RBM5: variants seen among roughly 807,000 people sequenced by gnomAD.
The protein encoded by RBM5 is RNA binding motif protein 5.
RBM5 carries 15 observed loss-of-function variants against 124.6 expected under a neutral mutation model. The ratio of observed to expected loss-of-function variants is 0.12; its 90% CI spans 0.08 to 0.19. RBM5 has a LOEUF of 0.19. RBM5 is among the 10% of genes least tolerant of loss of function. The pLI, the probability that RBM5 is intolerant of heterozygous loss-of-function variation, is 1.00. For missense variants in RBM5, 580 were observed against 1,026.5 expected, an observed-to-expected ratio of 0.57 and a Z score of 5.94; for synonymous variants, 337 against 361.2, an observed-to-expected ratio of 0.93 and a Z score of 0.76.
At chr3:50,108,451 G>T in intron 14 of RBM5, 147 bp downstream of exon 14, 1 of 783,572 alleles carries the variant, frequency 1.3e-6, no homozygotes, top group African/African-American at 1.7e-5. Flanking sequence ...GCTCACGCCT[G>T]TAATCCCAGC....
intron 4 of RBM5, chr3:50,094,139 A>T: frequency 3.6e-6 from 1 of 274,370 alleles, no homozygotes; most frequent in Non-Finnish European, 6.9e-6. Flanking sequence ...AGGTAATTTT[A>T]TACAACACTT....
rs145486184 is a variant in RBM5 at position 50,093,872 on chromosome 3, C to A, written c.336C>A (p.Ser112Arg). ...GCCTTCCCATCACCATCACAGAGAGCGATGTAAGGGGAAATGACAGTTATA... is the reference window on the plus strand; with the variant it reads ...GCCTTCCCATCACCATCACAGAGAGAGATGTAAGGGGAAATGACAGTTATA... ...LRGLPITITE[S>R]DIREMMESFE... Residue 112 changes from serine (S) to arginine (R), a missense_variant, in exon 4 of 25, where the codon AGC (serine) becomes AGA (arginine). Ser to Arg is a moderately radical substitution (Grantham distance 110). Around this residue, in one of 6 missense-constraint regions of RBM5, gnomAD observed 101 missense variants for 223.2 expected, o/e 0.45. Transcript: ENST00000347869. 6.2e-7 allele frequency: 1 copy of A among 1,607,228 alleles called. No individual in the cohort carries two copies. Among genetic ancestry groups the A allele is most frequent in the Non-Finnish European group, 8.5e-7 (1 of 1,174,616 alleles).
At chr3:50,114,622 G>C (rs2091208926) in intron 20 of RBM5, 1 of 192,708 alleles carries the variant, frequency 5.2e-6, no homozygotes, top group African/African-American at 2.4e-5. Flanking sequence ...TTTTATTTGT[G>C]GTCAGTGGTT....
chr3:50,109,526 A>C, intron 14 of RBM5, 77 bp from the exon 15 acceptor site: 1 of 1,157,856 alleles, frequency 8.6e-7, no homozygotes, highest in Non-Finnish European at 1.3e-6. Context: ...AGAAGGCTAG[A>C]TTGGGCATTA....
At chr3:50,097,583 T>G (rs182594184) in intron 4 of RBM5, among the ~76,000 whole-genome samples, 198 of 152,218 alleles carry the variant, frequency 1.3e-3, no homozygotes, top group Non-Finnish European at 2.2e-3. Flanking sequence ...CACCCTGTTT[T>G]TTTTTTCATG....
At chr3:50,106,330 TG>T (rs1237668500) in intron 10 of RBM5, among the ~76,000 whole-genome samples, 1 of 151,788 alleles carries the variant, frequency 6.6e-6, no homozygotes, top group Non-Finnish European at 1.5e-5. Flanking sequence ...TTAGTAGAGA[TG>T]GGGTTTCACT....
At chr3:50,092,427 G>C (rs988027440) in intron 3 of RBM5, among the ~76,000 whole-genome samples, 5 of 151,994 alleles carry the variant, frequency 3.3e-5, no homozygotes, top group Non-Finnish European at 4.4e-5. Flanking sequence ...TGAGTGGGGT[G>C]GTGGGCGCCT....
chr3:50,104,464 C>T, intron 8 of RBM5, 156 bp downstream of exon 8: 1 of 685,434 alleles, frequency 1.5e-6, no homozygotes, highest in Non-Finnish European at 2.5e-6. Flanking sequence ...GATAGCAAGA[C>T]CCTGCCTGTA....
chr3:50,103,135 G>A lies in RBM5; in HGVS notation c.536G>A (p.Arg179Lys). 1 of 1,612,726 alleles carries A rather than the reference G, an allele frequency of 6.2e-7. No individual in the cohort carries two copies. The highest frequency in any genetic ancestry group is 8.5e-7 in the Non-Finnish European group (1 of 1,178,768). Reference protein sequence around the residue: ...KHIAMHYSNPRPKFEDWLCNK... With the variant: ...KHIAMHYSNPKPKFEDWLCNK... ...ATTGCAATGCATTATAGCAATCCCA[G>A]ACCTAAGTTTGAAGATTGGCTTTGT... The change falls in exon 7 of 25, where the codon AGA becomes AAA. Residue 179 changes from arginine to lysine, a missense_variant. Arg to Lys is a conservative substitution (Grantham distance 26). Coordinates refer to ENST00000347869, the MANE Select transcript of RBM5 (RefSeq NM_005778.4).
intron 7 of RBM5, among the ~76,000 whole-genome samples, chr3:50,103,558 A>G (rs1233388577): frequency 6.6e-6 from 1 of 152,040 alleles, no homozygotes; most frequent in Non-Finnish European, 1.5e-5. Flanking sequence ...AGGCAGGAAA[A>G]TCTCTTGAAC....
chr3:50,111,515 C>G (rs2091144488), intron 17 of RBM5, among the ~76,000 whole-genome samples: 1 of 151,934 alleles, frequency 6.6e-6, no homozygotes, highest in African/African-American at 2.4e-5. Context: ...TAGCTGGTAG[C>G]TGGGATTACA....
intron 21 of RBM5, 129 bp from the exon 22 acceptor site, chr3:50,115,777 T>C: frequency 8.4e-7 from 1 of 1,191,872 alleles, no homozygotes; most frequent in Non-Finnish European, 1.2e-6. Flanking sequence ...CACATCAAAC[T>C]ATAGTTTTTA....
Position 50,105,604 on chromosome 3 carries a change from A to C in RBM5, c.750A>C (p.Ala250=). 3 of 1,614,206 alleles carry C rather than the reference A, an allele frequency of 1.9e-6. No individual in the cohort carries two copies. Among genetic ancestry groups the C allele is most frequent in the Non-Finnish European group, 2.5e-6 (3 of 1,180,024 alleles). Residue 250 remains alanine (A), a synonymous_variant, in exon 10 of 25, where the codon GCA becomes GCC. Transcript: ENST00000347869. ...PHTVVDSIMT[A]LSPYASLAVN... ...CTGTGGTGGATTCCATCATGACAGC[A>C]CTGTCTCCTTACGCGTCTTTAGCTG...
chr3:50,097,351 G>A (rs548129191), intron 4 of RBM5, among the ~76,000 whole-genome samples: 18 of 151,416 alleles, frequency 1.2e-4, no homozygotes, highest in African/African-American at 3.4e-4. Context: ...AGCCGAGATC[G>A]TGCCATTGCA....
At chr3:50,097,504 G>A (rs1282980925) in intron 4 of RBM5, among the ~76,000 whole-genome samples, 1 of 152,128 alleles carries the variant, frequency 6.6e-6, no homozygotes, top group Non-Finnish European at 1.5e-5. Flanking sequence ...TTGGCTGTGT[G>A]TAGTCTTGCA....
intron 3 of RBM5, among the ~76,000 whole-genome samples, chr3:50,093,302 G>A (rs2090742782): frequency 6.6e-6 from 1 of 151,590 alleles, no homozygotes; most frequent in African/African-American, 2.4e-5. Context: ...AGCTGGGCGT[G>A]GTGGCAAGTG....
Position 50,117,279 on chromosome 3 carries a change from T to C in RBM5, c.2222T>C (p.Ile741Thr), listed in dbSNP as rs1418884388. ...VNYEQPTKDG[I>T]DHSNIGNKML... The stretch of plus-strand genomic sequence containing the variant: ...TACGAGCAACCCACCAAAGATGGCA[T>C]TGACCACAGTAACATTGGCAACAAG... Residue 741 changes from isoleucine (I) to threonine (T), a missense_variant, in exon 24 of 25, where the codon ATT (isoleucine) becomes ACT (threonine). By Grantham distance (89) the Ile-to-Thr change is moderately conservative (BLOSUM62 -1). This residue lies in a region of RBM5 where 234 missense variants were observed against 435.1 expected (regional missense o/e 0.54). Transcript: ENST00000347869. The surrounding 1 kb of genome is among the most constrained non-coding windows in gnomAD (Gnocchi z 4.2). 1 of 1,614,126 alleles carries C rather than the reference T, an allele frequency of 6.2e-7. No homozygotes were observed. Among genetic ancestry groups the C allele is most frequent in the Non-Finnish European group, 8.5e-7 (1 of 1,180,054 alleles).
At chr3:50,090,321 T>G in intron 1 of RBM5, 61 bp from the exon 2 acceptor site, 64 of 1,123,316 alleles carry the variant, frequency 5.7e-5, no homozygotes, top group Non-Finnish European at 7.7e-5. Context: ...ATCCAAGCTA[T>G]GGAGCTGCTG....
intron 17 of RBM5, among the ~76,000 whole-genome samples, chr3:50,112,406 ACT>A: frequency 9.3e-6 from 1 of 108,094 alleles, no homozygotes; most frequent in African/African-American, 3.8e-5. Flanking sequence ...ACGGAGCGAG[ACT>A]CTGTCTAAAA....
Sources: allele counts gnomAD v4.1 joint callset (sites outside exome capture counted in the v4.1 genomes callset), GRCh38; gene constraint gnomAD v4.1.1; regional missense constraint gnomAD v4.1.1; non-coding constraint Gnocchi (gnomAD v3.1); transcripts MANE v1.5; gene names NCBI Gene and HGNC (gene_info 2026-07-23, HGNC 2026-07-21).